The following TASOR variants were observed in gnomAD, a reference collection of about 807,000 sequenced individuals.
TASOR encodes protein TASOR.
A neutral mutation model predicts 178.6 loss-of-function variants in TASOR; 53 were observed. That is an observed-to-expected ratio of 0.30 (90% CI 0.24 to 0.37). TASOR has a LOEUF of 0.37. TASOR is among the 10% of genes least tolerant of loss of function. The pLI, the probability that TASOR is intolerant of heterozygous loss-of-function variation, is 1.00. For synonymous variants in TASOR, 713 were observed against 696.2 expected (o/e 1.02, Z -0.38); for missense variants, 1,815 against 1,971.4 (o/e 0.92, Z 1.50).
rs144616257 is a variant in TASOR, at chr3:56,678,036, C to T, written c.332-4311G>A. The stretch of plus-strand genomic sequence containing the variant: ...TTTACGAGACTGAAGAGCAGATTTA[C>T]AAGGGCACTTAGAGATTTATAATTC... On this transcript the variant is annotated intron_variant, in intron 1 of 23. Coordinates refer to ENST00000683822, the MANE Select transcript of TASOR (RefSeq NM_001365635.2). Among the ~76,000 whole-genome samples the T allele has an allele frequency of 3.9e-5, 6 of 152,254 alleles. No individual in the cohort carries two copies. In the East Asian group the frequency reaches 9.6e-4, roughly 24 times the overall value.
At chr3:56,677,533 G>C (rs1387002827) in intron 1 of TASOR, among the ~76,000 whole-genome samples, 2 of 152,166 alleles carry the variant, frequency 1.3e-5, no homozygotes, top group South Asian at 2.1e-4. Context: ...GTTAATGAAT[G>C]AATCAAGCTG....
At chr3:56,652,641 G>A (rs17057007) in intron 11 of TASOR, among the ~76,000 whole-genome samples, 4,000 of 151,924 alleles carry the variant, frequency 0.026, 97 homozygotes, top group African/African-American at 0.061. Context: ...AAAGAATACC[G>A]GAATATAATG....
intron 1 of TASOR, among the ~76,000 whole-genome samples, chr3:56,679,790 G>A (rs565694904): frequency 6.6e-6 from 1 of 152,080 alleles, no homozygotes; most frequent in Non-Finnish European, 1.5e-5. Flanking sequence ...TAGATTTAAA[G>A]AAGGCAATAG....
chr3:56,627,485 G>T, intron 20 of TASOR, 97 bp downstream of exon 20: 2 of 1,299,284 alleles, frequency 1.5e-6, no homozygotes, highest in Non-Finnish European at 2.2e-6. Context: ...AGACTGAAAT[G>T]TACTAGTTAT....
intron 1 of TASOR, among the ~76,000 whole-genome samples, chr3:56,682,353 A>T (rs935120005): frequency 6.6e-6 from 1 of 151,436 alleles, no homozygotes; most frequent in Non-Finnish European, 1.5e-5. Flanking sequence ...AGGAGGACAC[A>T]ACGGCTTCTC....
intron 18 of TASOR, among the ~76,000 whole-genome samples, chr3:56,631,091 C>T (rs1578193998): frequency 6.6e-6 from 1 of 152,128 alleles, no homozygotes; most frequent in Non-Finnish European, 1.5e-5. Flanking sequence ...AGTTGAGAAA[C>T]TCTACATTCA....
intron 3 of TASOR, 37 bp downstream of exon 3, chr3:56,671,563 A>T (rs1439642734): frequency 1.5e-5 from 21 of 1,407,734 alleles, no homozygotes; most frequent in African/African-American, 2.9e-5. Context: ...CAATGGAAAC[A>T]TCCCCAAATT....
chr3:56,624,402 T>A (rs1446527417), intron 23 of TASOR, 77 bp downstream of exon 23: 1 of 1,489,292 alleles, frequency 6.7e-7, no homozygotes, highest in Non-Finnish European at 9.1e-7. Context: ...AAATGGTCAT[T>A]TCATTATTTG....
At position 56,623,321 on chromosome 3, in the gene TASOR, C is replaced by CTA; in HGVS notation, c.4727_4728dup (p.Val1577Ter). On this transcript the variant is annotated frameshift_variant, in exon 24 of 24. Transcript: ENST00000683822. LOFTEE classifies it high-confidence loss of function. ...TTGCTGTTCTCTCCTTCAGAGCATACTATATCAATAGAAGTTCTCTCTTCA... is the reference window on the plus strand; with the variant it reads ...TTGCTGTTCTCTCCTTCAGAGCATACTATATATCAATAGAAGTTCTCTCTTCA... The CTA allele has an allele frequency of 3.1e-6, 5 of 1,613,528 alleles. No individual in the cohort carries two copies. Among genetic ancestry groups the CTA allele is most frequent in the Non-Finnish European group, 4.2e-6 (5 of 1,179,946 alleles).
chr3:56,624,664 T>C, intron 22 of TASOR, 21 bp from the exon 23 acceptor site: 1 of 1,602,162 alleles, frequency 6.2e-7, no homozygotes, highest in African/African-American at 1.3e-5. Flanking sequence ...AAAAAAAGTT[T>C]CATGTATGAA....
chr3:56,659,472 A>C (rs2077546872), intron 11 of TASOR, among the ~76,000 whole-genome samples: 1 of 152,100 alleles, frequency 6.6e-6, no homozygotes, highest in Non-Finnish European at 1.5e-5. Context: ...CTGATGTTTG[A>C]CCCAATCCCT....
At chr3:56,645,201 T>C (rs924092184) in intron 14 of TASOR, among the ~76,000 whole-genome samples, 1 of 152,138 alleles carries the variant, frequency 6.6e-6, no homozygotes, top group Non-Finnish European at 1.5e-5. Flanking sequence ...TTGAACCAGG[T>C]AGGCAGAGGT....
chr3:56,674,244 T>C (rs2031052608), intron 1 of TASOR, among the ~76,000 whole-genome samples: 1 of 145,568 alleles, frequency 6.9e-6, no homozygotes, highest in South Asian at 2.2e-4. Context: ...CTCATGCTTG[T>C]AATTCCAGCT....
At chr3:56,627,802 T>G (rs2076830789) in intron 19 of TASOR, 61 bp from the exon 20 acceptor site, 18 of 1,509,404 alleles carry the variant, frequency 1.2e-5, no homozygotes, top group Non-Finnish European at 1.6e-5. Flanking sequence ...CAGACTCAAG[T>G]GTGAAGGAAC....
At chr3:56,645,700 C>CA (rs1357085217) in intron 14 of TASOR, among the ~76,000 whole-genome samples, 1 of 151,864 alleles carries the variant, frequency 6.6e-6, no homozygotes, top group Non-Finnish European at 1.5e-5. Context: ...AAAAGAACAA[C>CA]AAAAAAAGAA....
chr3:56,676,284 TCTA>T (rs1453622907), intron 1 of TASOR, among the ~76,000 whole-genome samples: 1 of 152,186 alleles, frequency 6.6e-6, no homozygotes, highest in Non-Finnish European at 1.5e-5. Flanking sequence ...AACAATATAT[TCTA>T]CTACTAAATG....
At chr3:56,660,871 A>C in intron 10 of TASOR, 37 bp from the exon 11 acceptor site, 3 of 1,607,820 alleles carry the variant, frequency 1.9e-6, no homozygotes, top group Non-Finnish European at 2.6e-6. Context: ...TATCCAAATC[A>C]AGTCTGCTTC....
intron 4 of TASOR, 56 bp downstream of exon 4, chr3:56,670,017 A>C (rs1457722490): frequency 1.3e-4 from 158 of 1,185,886 alleles, no homozygotes; most frequent in Non-Finnish European, 1.2e-5. Flanking sequence ...GAGACAATGT[A>C]TTTTTAGACA....
At chr3:56,668,627 G>A in intron 5 of TASOR, 69 bp from the exon 6 acceptor site, 1 of 1,098,968 alleles carries the variant, frequency 9.1e-7, no homozygotes, top group Non-Finnish European at 1.3e-6. Context: ...TTAATATTAT[G>A]AAATACTTCT....
Sources: gnomAD v4.1 joint callset for allele counts (sites outside exome capture counted in the v4.1 genomes callset) on GRCh38, gnomAD v4.1.1 for gene constraint, MANE v1.5 for transcripts, NCBI Gene and HGNC (gene_info 2026-07-23, HGNC 2026-07-21) for gene names.